Variants in CAMSAP1 observed in about 807,000 individuals in gnomAD.
CAMSAP1 encodes calmodulin-regulated spectrin-associated protein 1.
A neutral mutation model predicts 143.5 loss-of-function variants in CAMSAP1; 58 were observed. The observed-to-expected ratio is 0.40, with a 90% CI of 0.33 to 0.50. The LOEUF is 0.50. Among genes scored for constraint, CAMSAP1 ranks in the 20% least tolerant of loss-of-function variants. The pLI, the probability that CAMSAP1 is intolerant of heterozygous loss-of-function variation, is 0.45. For missense variants in CAMSAP1, 1,969 were observed against 2,115.7 expected (o/e 0.93, Z 1.36); for synonymous variants, 945 against 859.3 (o/e 1.10, Z -1.74).
Position 135,811,234 on chromosome 9 carries a change from G to C in CAMSAP1, c.*75C>G, listed in dbSNP as rs968372791. On this transcript the variant is annotated 3_prime_UTR_variant, in exon 17 of 17. Coordinates refer to ENST00000389532, the MANE Select transcript of CAMSAP1 (RefSeq NM_015447.4). This position sits in a 1 kb window ranked among gnomAD's most constrained non-coding sequence, Gnocchi z 4.9. ...GAAAACAATAAATAAGGACCCCGTG[G>C]CACCCTCTGGATGCCAGCCACAAGG... 5.4e-6 allele frequency: 8 copies of C among 1,483,216 alleles called. No individual in the cohort carries two copies. Among genetic ancestry groups the C allele is most frequent in the Non-Finnish European group, 7.3e-6 (8 of 1,097,440 alleles). The allele number at this position is 1,483,216 out of a possible 1,614,324, so 91.9% of individuals were successfully genotyped here. A position where few individuals can be genotyped will look rare whatever the true frequency, so the allele number is the denominator to read the frequency against.
At chr9:135,876,230 G>A (rs1013759715) in intron 3 of CAMSAP1, among the ~76,000 whole-genome samples, 1 of 152,198 alleles carries the variant, frequency 6.6e-6, no homozygotes. Context: ...TGTGATTACA[G>A]GTGTGAGCCA....
intron 1 of CAMSAP1, 144 bp downstream of exon 1, chr9:135,906,856 G>C (rs1204068346): frequency 7.9e-6 from 3 of 381,084 alleles, no homozygotes; most frequent in Non-Finnish European, 1.1e-5. Flanking sequence ...CCAGGACCTC[G>C]GAGGCGGCCG....
chr9:135,890,445 G>A (rs1440018625), intron 1 of CAMSAP1, among the ~76,000 whole-genome samples: 3 of 152,114 alleles, frequency 2.0e-5, no homozygotes, highest in Non-Finnish European at 4.4e-5. Context: ...CCCTGAGGGC[G>A]CCTGGGAGGA....
intron 1 of CAMSAP1, among the ~76,000 whole-genome samples, chr9:135,903,895 C>T (rs1308374202): frequency 2.6e-5 from 4 of 152,138 alleles, no homozygotes; most frequent in African/African-American, 7.2e-5. Flanking sequence ...CTACCAAAAC[C>T]CCCTCCCCAC....
chr9:135,856,500 C>T (rs1836982990), intron 5 of CAMSAP1, among the ~76,000 whole-genome samples: 1 of 152,178 alleles, frequency 6.6e-6, no homozygotes, highest in Non-Finnish European at 1.5e-5. Context: ...TTATCACTGC[C>T]CATTCCACTC....
At chr9:135,898,595 C>T (rs753201790) in intron 1 of CAMSAP1, among the ~76,000 whole-genome samples, 7 of 152,072 alleles carry the variant, frequency 4.6e-5, no homozygotes, top group Admixed American at 6.6e-5. Context: ...GAAAAAGGTA[C>T]TCGAATGGCC....
intron 5 of CAMSAP1, 27 bp downstream of exon 5, chr9:135,862,440 T>C (rs1345246695): frequency 3.2e-6 from 5 of 1,549,490 alleles, no homozygotes; most frequent in Non-Finnish European, 4.4e-6. Context: ...TTTTCGGATC[T>C]GTTTCAGGGA....
intron 5 of CAMSAP1, among the ~76,000 whole-genome samples, chr9:135,851,160 A>T (rs1836769217): frequency 6.6e-6 from 1 of 152,198 alleles, no homozygotes; most frequent in African/African-American, 2.4e-5. Context: ...TCAGACAAAG[A>T]GCCCTGCGGA....
Position 135,881,610 on chromosome 9 carries a change from C to T in CAMSAP1, c.585+23G>A, listed in dbSNP as rs542258999. On this transcript the variant is annotated intron_variant, in intron 3 of 16. Coordinates refer to ENST00000389532, the MANE Select transcript of CAMSAP1 (RefSeq NM_015447.4). ...CCGGCCACAGAAGCAGAGTCACACA[C>T]CACATCTAGGCAGGGCACTCACCTT... The T allele has an allele frequency of 5.2e-6, 8 of 1,551,242 alleles. No individual in the cohort carries two copies. In the South Asian group the frequency reaches 8.3e-5, roughly 16 times the overall value.
intron 7 of CAMSAP1, chr9:135,837,076 A>T (rs975295143): frequency 1.9e-6 from 1 of 538,664 alleles, no homozygotes; most frequent in Non-Finnish European, 2.4e-6. Context: ...ACAGACACAC[A>T]TCATCACGCA....
At chr9:135,828,332 T>C (rs1835747076) in intron 7 of CAMSAP1, among the ~76,000 whole-genome samples, 1 of 152,140 alleles carries the variant, frequency 6.6e-6, no homozygotes, top group African/African-American at 2.4e-5. Context: ...AGGTGATGTG[T>C]TGTGAACATG....
In CAMSAP1 at chr9:135,850,250, A is replaced by G. The variant is rs1836725902; in HGVS notation, c.949-17T>C. The G allele has an allele frequency of 1.9e-6, 3 of 1,612,670 alleles. No individual in the cohort carries two copies. The highest frequency in any genetic ancestry group is 1.7e-6 in the Non-Finnish European group (2 of 1,179,628). On this transcript the variant is annotated splice_polypyrimidine_tract_variant and intron_variant, in intron 6 of 16. Coordinates refer to ENST00000389532, the MANE Select transcript of CAMSAP1 (RefSeq NM_015447.4). ...AACATTCGGCTAAAAGACAAAAACA[A>G]AAAACCAAAGTATGATAAGCAGTTT... is the stretch of plus-strand genomic sequence containing the variant.
intron 1 of CAMSAP1, among the ~76,000 whole-genome samples, chr9:135,888,901 G>A (rs928107325): frequency 2.6e-5 from 4 of 152,162 alleles, no homozygotes; most frequent in Non-Finnish European, 4.4e-5. Flanking sequence ...ACAGCGGAGC[G>A]CCAGGTGCAC....
chr9:135,854,353 T>C (rs1020525834), intron 5 of CAMSAP1, among the ~76,000 whole-genome samples: 3 of 152,234 alleles, frequency 2.0e-5, no homozygotes, highest in Non-Finnish European at 4.4e-5. Flanking sequence ...TCTTGATCAG[T>C]CTTTCCAGAT....
At position 135,846,117 on chromosome 9, in the gene CAMSAP1, C is replaced by T. The variant is rs1198658758; in HGVS notation, c.1045+4020G>A. 2.7e-5 allele frequency among the ~76,000 whole-genome samples: 4 copies of T among 146,290 alleles called. No homozygotes were observed. The East Asian group carries it at 8.1e-4, about 30-fold the overall frequency. On this transcript the variant is annotated intron_variant, in intron 7 of 16. Transcript: ENST00000389532. The stretch of plus-strand genomic sequence containing the variant: ...AACGAAGCTGGAGGCATCATGCTAC[C>T]TGACTTCAAACTATACTACAAGGCT...
rs1835011595 is a variant in CAMSAP1 at position 135,810,648 on chromosome 9, T to C, written c.*661A>G. 6.6e-6 allele frequency: 1 copy of C among 152,666 alleles called. No homozygotes were observed. The highest frequency in any genetic ancestry group is 1.5e-5 in the Non-Finnish European group (1 of 68,084). The allele number at this position is 152,666 out of a possible 1,614,324, so 9.5% of individuals were successfully genotyped here. ...AGACAGGCTTTGCAGATTTCGGTGC[T>C]TTTAGTGAACTGGTGTTTTCCGTAA... is the stretch of plus-strand genomic sequence containing the variant. On this transcript the variant is annotated 3_prime_UTR_variant, in exon 17 of 17. Transcript: ENST00000389532.
intron 7 of CAMSAP1, among the ~76,000 whole-genome samples, chr9:135,847,223 T>G (rs1412186554): frequency 2.7e-5 from 4 of 149,962 alleles, no homozygotes; most frequent in Non-Finnish European, 4.4e-5. Context: ...GGCATGGTGG[T>G]GGGCACCTGT....
chr9:135,818,274 A>T lies in CAMSAP1; in HGVS notation c.4168+134T>A. The stretch of plus-strand genomic sequence containing the variant: ...GCATCTGGTCTCAACATTGTCATCC[A>T]TGAAACGGGGATAATCATCTCCACC... On this transcript the variant is annotated intron_variant, in intron 13 of 16. Coordinates refer to ENST00000389532, the MANE Select transcript of CAMSAP1 (RefSeq NM_015447.4). This position sits in a 1 kb window ranked among gnomAD's most constrained non-coding sequence, Gnocchi z 7.7. 3.5e-6 allele frequency: 4 copies of T among 1,132,430 alleles called. No individual in the cohort carries two copies. Among genetic ancestry groups the T allele is most frequent in the Non-Finnish European group, 5.0e-6 (4 of 806,882 alleles). 70.1% of individuals were successfully genotyped at this position (1,132,430 alleles called of 1,614,324 possible).
intron 1 of CAMSAP1, among the ~76,000 whole-genome samples, chr9:135,905,583 GC>G (rs1838753428): frequency 6.6e-6 from 1 of 152,212 alleles, no homozygotes; most frequent in African/African-American, 2.4e-5. Context: ...ACACTCCACA[GC>G]AGCGGAAATG....
Sources: allele counts gnomAD v4.1 joint callset (sites outside exome capture counted in the v4.1 genomes callset), GRCh38; gene constraint gnomAD v4.1.1; non-coding constraint Gnocchi (gnomAD v3.1); transcripts MANE v1.5; gene names NCBI Gene and HGNC (gene_info 2026-07-23, HGNC 2026-07-21).